Variants in GPC6 observed in about 807,000 individuals in gnomAD.
GPC6 encodes the protein glypican 6.
In GPC6, 14 loss-of-function variants were observed where a neutral mutation model predicts 55.2. That is an observed-to-expected ratio of 0.25 (90% CI 0.17 to 0.40). The LOEUF (loss-of-function observed/expected upper bound fraction) is 0.40, where lower values mean the gene tolerates loss of function less well. GPC6 is among the 10% of genes least tolerant of loss of function. GPC6 has a pLI of 1.00. For missense variants in GPC6, 641 were observed against 708.5 expected (o/e 0.90, Z 1.08); for synonymous variants, 278 against 259.6 (o/e 1.07, Z -0.68).
intron 1 of GPC6, among the ~76,000 whole-genome samples, chr13:93,259,530 CT>C (rs1186288566): frequency 6.6e-6 from 1 of 152,022 alleles, no homozygotes; most frequent in African/African-American, 2.4e-5. Flanking sequence ...TATTTATCAT[CT>C]TTCATCTTTT....
At chr13:94,029,875 G>C (rs1163352441) in intron 4 of GPC6, among the ~76,000 whole-genome samples, 1 of 152,174 alleles carries the variant, frequency 6.6e-6, no homozygotes, top group Non-Finnish European at 1.5e-5. Flanking sequence ...ATGTGAAATG[G>C]AATGTCTGGA....
chr13:94,327,686 G>C (rs931321259), intron 6 of GPC6, among the ~76,000 whole-genome samples: 2 of 150,136 alleles, frequency 1.3e-5, no homozygotes, highest in Non-Finnish European at 2.9e-5. Flanking sequence ...AGATTCAAAA[G>C]TGAGTGGGTC....
chr13:93,398,775 T>G (rs568929994), intron 1 of GPC6, among the ~76,000 whole-genome samples: 1 of 152,242 alleles, frequency 6.6e-6, no homozygotes, highest in Admixed American at 6.5e-5. Flanking sequence ...ACTTGACTAA[T>G]GTTTCTAAGA....
intron 2 of GPC6, among the ~76,000 whole-genome samples, chr13:93,780,284 A>C (rs568509338): frequency 7.2e-5 from 11 of 151,862 alleles, no homozygotes; most frequent in African/African-American, 2.4e-4. Flanking sequence ...GCAAAAAAAA[A>C]CACATTGTTT....
intron 1 of GPC6, among the ~76,000 whole-genome samples, chr13:93,351,774 A>T (rs1373689355): frequency 2.0e-5 from 3 of 152,078 alleles, no homozygotes; most frequent in Non-Finnish European, 2.9e-5. Flanking sequence ...AAAACACAAA[A>T]AGCCCATCTC....
At chr13:94,280,243 T>G (rs144958758) in intron 4 of GPC6, among the ~76,000 whole-genome samples, 2,825 of 152,250 alleles carry the variant, frequency 0.019, 90 homozygotes, top group African/African-American at 0.064. Flanking sequence ...AGCCTGTTTT[T>G]TCAGAGACTG....
chr13:94,386,766 T>G (rs949090540), intron 7 of GPC6, among the ~76,000 whole-genome samples: 13 of 152,332 alleles, frequency 8.5e-5, no homozygotes, highest in African/African-American at 2.6e-4. Flanking sequence ...CCTCTCTTTC[T>G]GTTTTATCCA....
At chr13:93,418,006 T>C (rs544363029) in intron 1 of GPC6, among the ~76,000 whole-genome samples, 1 of 152,210 alleles carries the variant, frequency 6.6e-6, no homozygotes, top group African/African-American at 2.4e-5. Context: ...ATACTTTACT[T>C]GTCAAACATG....
At chr13:93,358,472 G>A (rs1880930621) in intron 1 of GPC6, among the ~76,000 whole-genome samples, 2 of 152,046 alleles carry the variant, frequency 1.3e-5, no homozygotes, top group African/African-American at 4.8e-5. Flanking sequence ...TTATGAATGA[G>A]GACAATGAGA....
At chr13:93,463,631 T>C (rs1878789648) in intron 1 of GPC6, among the ~76,000 whole-genome samples, 1 of 152,226 alleles carries the variant, frequency 6.6e-6, no homozygotes, top group Non-Finnish European at 1.5e-5. Context: ...TGTTGAACTT[T>C]ATCAGTTGAA....
At chr13:94,281,247 G>C (rs959926324) in intron 4 of GPC6, among the ~76,000 whole-genome samples, 6 of 152,012 alleles carry the variant, frequency 3.9e-5, no homozygotes, top group African/African-American at 7.2e-5. Flanking sequence ...TTGTTATGTA[G>C]GTATACATGT....
intron 2 of GPC6, among the ~76,000 whole-genome samples, chr13:93,751,170 CA>C (rs772586679): frequency 1.2e-3 from 167 of 144,688 alleles, no homozygotes; most frequent in Middle Eastern, 3.4e-3. Flanking sequence ...AACAAACAAA[CA>C]AACAAACAAA....
intron 4 of GPC6, among the ~76,000 whole-genome samples, chr13:94,215,721 TC>T (rs1890207510): frequency 6.6e-6 from 1 of 152,168 alleles, no homozygotes; most frequent in African/African-American, 2.4e-5. Flanking sequence ...AAATCTGTCC[TC>T]AAGAATTTTT....
chr13:93,596,826 G>T (rs887264240), intron 2 of GPC6, among the ~76,000 whole-genome samples: 1 of 147,706 alleles, frequency 6.8e-6, no homozygotes, highest in Non-Finnish European at 1.5e-5. Context: ...ATATAATTAC[G>T]TGTGCCTGTA....
chr13:93,669,645 G>T (rs1200159761), intron 2 of GPC6, among the ~76,000 whole-genome samples: 2 of 152,150 alleles, frequency 1.3e-5, no homozygotes, highest in Non-Finnish European at 2.9e-5. Context: ...AGGAAGTGGG[G>T]TTGAAGCTGA....
chr13:93,222,052 C>T (rs909841981), upstream of GPC6, among the ~76,000 whole-genome samples: 2 of 152,188 alleles, frequency 1.3e-5, no homozygotes, highest in African/African-American at 2.4e-5. Context: ...AAAAAATTAA[C>T]ACAAGACATT....
chr13:94,139,327 C>T (rs541663302), intron 4 of GPC6, among the ~76,000 whole-genome samples: 5 of 152,214 alleles, frequency 3.3e-5, no homozygotes, highest in African/African-American at 1.2e-4. Flanking sequence ...ATAAAAAATA[C>T]ACAACAGTTC....
At position 94,012,606 on chromosome 13, in the gene GPC6, G is replaced by A. The variant is rs565851866; in HGVS notation, c.712-15123G>A. ...CAAAAAACCACAATGTGTTGTGTCC[G>A]TGCATGTTCCTGTGTGTATAGGGCA... On this transcript the variant is annotated intron_variant, in intron 3 of 8. Coordinates refer to ENST00000377047, the MANE Select transcript of GPC6 (RefSeq NM_005708.5). Among the ~76,000 whole-genome samples, 20 of 152,298 alleles carry A rather than the reference G, an allele frequency of 1.3e-4. No individual in the cohort carries two copies. The East Asian group carries it at 3.3e-3, about 25-fold the overall frequency.
intron 1 of GPC6, among the ~76,000 whole-genome samples, chr13:93,540,124 T>G (rs1882230938): frequency 6.6e-6 from 1 of 152,244 alleles, no homozygotes. Context: ...GTGAGAATGT[T>G]TACGTGTAAC....
Sources: allele counts gnomAD v4.1 joint callset (sites outside exome capture counted in the v4.1 genomes callset), GRCh38; gene constraint gnomAD v4.1.1; transcripts MANE v1.5; gene names NCBI Gene and HGNC (gene_info 2026-07-23, HGNC 2026-07-21).